The following USP47 variants were observed in gnomAD, a reference collection of about 807,000 sequenced individuals.
The protein encoded by USP47 is ubiquitin specific peptidase 47.
Under a neutral mutation model 165.1 loss-of-function variants are expected in USP47, and 35 were observed. The ratio of observed to expected loss-of-function variants is 0.21; its 90% confidence interval spans 0.16 to 0.28. USP47 has a LOEUF of 0.28. Among genes scored for constraint, USP47 ranks in the 10% least tolerant of loss-of-function variants. The pLI is 1.00. For synonymous variants in USP47, 531 were observed against 544.5 expected (o/e 0.98, Z 0.35); for missense variants, 1,277 against 1,607.4 (o/e 0.79, Z 3.52).
intron 2 of USP47, among the ~76,000 whole-genome samples, chr11:11,882,954 A>C (rs960164441): frequency 3.9e-5 from 6 of 151,988 alleles, no homozygotes; most frequent in African/African-American, 1.4e-4. Context: ...CTCGAGCTCT[A>C]TTTCTGTATT....
intron 1 of USP47, among the ~76,000 whole-genome samples, chr11:11,844,939 C>T (rs1848345161): frequency 6.6e-6 from 1 of 152,094 alleles, no homozygotes; most frequent in Non-Finnish European, 1.5e-5. Flanking sequence ...AAACCACGGC[C>T]TGTGGTCCAG....
chr11:11,906,986 A>G (rs1376362034), intron 8 of USP47, among the ~76,000 whole-genome samples: 1 of 152,170 alleles, frequency 6.6e-6, no homozygotes, highest in Non-Finnish European at 1.5e-5. Context: ...ATTTTTCCAT[A>G]TATACATTTA....
chr11:11,960,252 C>G lies in USP47; in HGVS notation c.*4077C>G, dbSNP rs991318022. ...TGGTGGTGGAAGAGGCCAGGAAGAGCGGGGGGAAGACATGTGCTAACCACT... is the reference window on the plus strand; with the variant it reads ...TGGTGGTGGAAGAGGCCAGGAAGAGGGGGGGGAAGACATGTGCTAACCACT... On this transcript the variant is annotated 3_prime_UTR_variant, in exon 28 of 28. Coordinates refer to ENST00000527733, the MANE Select transcript of USP47 (RefSeq NM_001282659.2). 6.6e-6 allele frequency among the ~76,000 whole-genome samples: 1 copy of G among 152,136 alleles called. No homozygotes were observed. The highest frequency in any genetic ancestry group is 1.9e-4 in the East Asian group (1 of 5,174).
At position 11,955,982 on chromosome 11, in the gene USP47, A is replaced by T; in HGVS notation, c.3894-19A>T. 6.5e-7 allele frequency: 1 copy of T among 1,532,330 alleles called. No individual in the cohort carries two copies. The highest frequency in any genetic ancestry group is 2.3e-5 in the East Asian group (1 of 44,128). The allele number at this position is 1,532,330 out of a possible 1,614,324, so 94.9% of individuals were successfully genotyped here. ...GAGGGCTCTACTGGACTAATATGTG[A>T]TTAATATTTTATATGTAGGGATAAA... is the stretch of plus-strand genomic sequence containing the variant. On this transcript the variant is annotated intron_variant, in intron 27 of 27. Coordinates refer to ENST00000527733, the MANE Select transcript of USP47 (RefSeq NM_001282659.2).
chr11:11,900,404 C>T lies in USP47; in HGVS notation c.594-2311C>T, dbSNP rs151098154. Among the ~76,000 whole-genome samples the T allele has an allele frequency of 8.7e-3, 1,329 of 152,224 alleles. 13 individuals are homozygous for T. The highest frequency in any genetic ancestry group is 0.03 in the African/African-American group (1,257 of 41,560). On this transcript the variant is annotated intron_variant, in intron 5 of 27. Transcript: ENST00000527733. ...CTCGATCTCCTGACCTCGTGATCCG[C>T]CCGCCTTGGCCTCCCAAAGTGCTGG... is the stretch of plus-strand genomic sequence containing the variant.
chr11:11,904,537 G>A (rs530957608), intron 7 of USP47, among the ~76,000 whole-genome samples: 9 of 152,090 alleles, frequency 5.9e-5, no homozygotes, highest in Non-Finnish European at 8.8e-5. Flanking sequence ...TGGTATTGGG[G>A]GCTGTTTCTT....
At chr11:11,939,414 C>T (rs1401477476) in intron 18 of USP47, among the ~76,000 whole-genome samples, 1 of 151,680 alleles carries the variant, frequency 6.6e-6, no homozygotes, top group Non-Finnish European at 1.5e-5. Context: ...TAAATAAATG[C>T]TCTGAGGAAA....
rs1345137419 is a variant in USP47 at position 11,930,046 on chromosome 11, A to C, written c.1521A>C (p.Ile507=). The C allele has an allele frequency of 2.5e-6, 4 of 1,613,024 alleles. No individual in the cohort carries two copies. The Admixed American group carries it at 5.0e-5, about 20-fold the overall frequency. ...YSFNDQHVSR[I]TQEDIKKTHG... ...AAAATCATGTAACACATTTTCAGAT[A>C]ACACAAGAGGACATTAAGAAAACAC... The change falls in exon 13 of 28, where the codon ATA becomes ATC. Residue 507 remains isoleucine (I), a splice_region_variant and synonymous_variant. Coordinates refer to ENST00000527733, the MANE Select transcript of USP47 (RefSeq NM_001282659.2).
At chr11:11,876,205 G>A (rs1441575104) in intron 1 of USP47, among the ~76,000 whole-genome samples, 4 of 152,130 alleles carry the variant, frequency 2.6e-5, no homozygotes, top group Non-Finnish European at 5.9e-5. Context: ...GGAACATGCT[G>A]TAGGCTTTTC....
At chr11:11,881,309 C>G (rs951245368) in intron 2 of USP47, among the ~76,000 whole-genome samples, 1 of 152,082 alleles carries the variant, frequency 6.6e-6, no homozygotes, top group Non-Finnish European at 1.5e-5. Flanking sequence ...CAGCACTGTG[C>G]TACCTCTCCG....
At chr11:11,922,406 A>T (rs928483002) in intron 10 of USP47, among the ~76,000 whole-genome samples, 1 of 151,924 alleles carries the variant, frequency 6.6e-6, no homozygotes, top group Non-Finnish European at 1.5e-5. Context: ...GATTTTGTGG[A>T]TTTTGCTAAA....
At chr11:11,853,683 A>G (rs564283763) in intron 1 of USP47, among the ~76,000 whole-genome samples, 2 of 152,346 alleles carry the variant, frequency 1.3e-5, no homozygotes, top group African/African-American at 4.8e-5. Context: ...AAACTGAAAC[A>G]TGCATACATA....
intron 1 of USP47, among the ~76,000 whole-genome samples, chr11:11,872,362 G>A (rs1429468454): frequency 6.6e-6 from 1 of 152,206 alleles, no homozygotes; most frequent in Admixed American, 6.5e-5. Context: ...TGAAAATCAT[G>A]CTGTGTATTA....
chr11:11,896,167 A>G (rs539207971), intron 4 of USP47, among the ~76,000 whole-genome samples: 1 of 152,352 alleles, frequency 6.6e-6, no homozygotes, highest in African/African-American at 2.4e-5. Context: ...TGTGATTTTT[A>G]TACCTGATGG....
intron 18 of USP47, among the ~76,000 whole-genome samples, chr11:11,939,832 T>C (rs529946082): frequency 7.2e-5 from 11 of 152,126 alleles, no homozygotes; most frequent in African/African-American, 2.2e-4. Context: ...TATTTATAAC[T>C]GATGACCTTA....
rs1295610846 is a variant in USP47 at position 11,959,159 on chromosome 11, C to T, written c.*2984C>T. Reference sequence around the variant, plus strand: ...AAAGTCTTTTATTCTGGTTCATTTGCTAGTACTTCCTTTTTGATTGGATAC... The same window carrying T: ...AAAGTCTTTTATTCTGGTTCATTTGTTAGTACTTCCTTTTTGATTGGATAC... On this transcript the variant is annotated 3_prime_UTR_variant, in exon 28 of 28. Coordinates refer to ENST00000527733, the MANE Select transcript of USP47 (RefSeq NM_001282659.2). 2 of 152,170 alleles carry T rather than the reference C, an allele frequency of 1.3e-5. No individual in the cohort carries two copies. Among genetic ancestry groups the T allele is most frequent in the Non-Finnish European group, 2.9e-5 (2 of 68,026 alleles). 9.4% of individuals were successfully genotyped at this position (152,170 alleles called of 1,614,324 possible).
intron 1 of USP47, among the ~76,000 whole-genome samples, chr11:11,869,846 C>A (rs938613364): frequency 2.0e-5 from 3 of 152,156 alleles, no homozygotes; most frequent in African/African-American, 4.8e-5. Flanking sequence ...CTCTCTTTCA[C>A]CCTCTTTTTG....
At chr11:11,944,573 A>G (rs1044246266) in intron 20 of USP47, among the ~76,000 whole-genome samples, 6 of 152,130 alleles carry the variant, frequency 3.9e-5, no homozygotes, top group Non-Finnish European at 5.9e-5. Flanking sequence ...GCTGTGTGAA[A>G]TTGATATTGT....
chr11:11,945,760 C>T (rs1590445048), intron 20 of USP47, among the ~76,000 whole-genome samples: 1 of 151,816 alleles, frequency 6.6e-6, no homozygotes, highest in Admixed American at 6.6e-5. Flanking sequence ...CATAGTAAGA[C>T]CCCATCTCTA....
Sources: gnomAD v4.1 joint callset for allele counts (sites outside exome capture counted in the v4.1 genomes callset) on GRCh38, gnomAD v4.1.1 for gene constraint, MANE v1.5 for transcripts, NCBI Gene and HGNC (gene_info 2026-07-23, HGNC 2026-07-21) for gene names.